Variants in EDA observed in about 807,000 individuals in gnomAD.
The protein encoded by EDA is ectodysplasin-A.
In EDA, 2 loss-of-function variants were observed where a neutral mutation model predicts 23.6. The ratio of observed to expected loss-of-function variants is 0.08; its 90% CI spans 0.03 to 0.27. The LOEUF is 0.27. Ranked by LOEUF, EDA falls within the 10% of genes least tolerant of loss-of-function variation. EDA has a pLI of 1.00. For missense variants in EDA, 229 were observed against 324.2 expected (o/e 0.71, Z 2.26); for synonymous variants, 131 against 132.0 (o/e 0.99, Z 0.05).
chrX:69,758,818 A>G (rs935024844), intron 1 of EDA, among the ~76,000 whole-genome samples: 32 of 112,725 alleles, frequency 2.8e-4, no homozygotes, highest in Admixed American at 6.5e-4. Flanking sequence ...CTTGAGCAAC[A>G]AGAGTGAAAC....
intron 7 of EDA, 76 bp from the exon 8 acceptor site, chrX:70,035,282 T>G: frequency 9.1e-7 from 1 of 1,104,661 alleles, no homozygotes; most frequent in East Asian, 3.1e-5. Context: ...GAAGATTCTG[T>G]CAATTCACCA....
chrX:69,946,200 C>G lies in EDA; in HGVS notation c.397-10827C>G, dbSNP rs141446524. The stretch of plus-strand genomic sequence containing the variant: ...TCAGGCTTTTATTATGGACTAAATC[C>G]TTGCTGATTAACCTGCCTGCCCCTA... On this transcript the variant is annotated intron_variant, in intron 1 of 7. Coordinates refer to ENST00000374552, the MANE Select transcript of EDA (RefSeq NM_001399.5). Among the ~76,000 whole-genome samples, 243 of 111,668 alleles carry G rather than the reference C, an allele frequency of 2.2e-3. 2 individuals are homozygous for G. Among genetic ancestry groups the G allele is most frequent in the Non-Finnish European group, 2.6e-3 (138 of 53,069 alleles).
At chrX:69,618,061 T>C (rs962879701) in intron 1 of EDA, among the ~76,000 whole-genome samples, 10 of 111,985 alleles carry the variant, frequency 8.9e-5, no homozygotes, top group African/African-American at 3.3e-4. Flanking sequence ...CTTTAAACAT[T>C]GTAGCTAAAC....
intron 1 of EDA, among the ~76,000 whole-genome samples, chrX:69,698,633 C>T (rs987134217): frequency 3.6e-5 from 4 of 111,251 alleles, no homozygotes; most frequent in African/African-American, 6.6e-5. Flanking sequence ...TTTGGTGTTG[C>T]GCAGAGTCTC....
At chrX:69,696,194 G>A (rs1294666204) in intron 1 of EDA, among the ~76,000 whole-genome samples, 11 of 108,219 alleles carry the variant, frequency 1.0e-4, no homozygotes, top group African/African-American at 2.4e-4. Context: ...AGTGAAGATC[G>A]CACCATTGCA....
At chrX:69,809,970 A>C (rs958594989) in intron 1 of EDA, among the ~76,000 whole-genome samples, 7 of 110,386 alleles carry the variant, frequency 6.3e-5, no homozygotes, top group Admixed American at 4.8e-4. Flanking sequence ...CCATATCAAG[A>C]TTTCTTGTTG....
chrX:69,943,380 C>T (rs998923785), intron 1 of EDA, among the ~76,000 whole-genome samples: 2 of 111,745 alleles, frequency 1.8e-5, no homozygotes, highest in African/African-American at 6.5e-5. Context: ...GTCACTGCAG[C>T]TTTAGGGCCA....
At chrX:69,793,570 G>GTTTTTTTTTTTTTTTTTTTTTTTTT (rs67241807) in intron 1 of EDA, among the ~76,000 whole-genome samples, 1 of 58,770 alleles carries the variant, frequency 1.7e-5, no homozygotes, top group Non-Finnish European at 2.9e-5. Context: ...GTTTGTTTTT[G>GTTTTTTTTTTTTTTTTTTTTTTTTT]TTTTTTTTTT....
chrX:69,689,314 G>C (rs199587380), intron 1 of EDA, among the ~76,000 whole-genome samples: 15 of 30,603 alleles, frequency 4.9e-4, no homozygotes, highest in Non-Finnish European at 9.0e-4. Context: ...TTTTTTTTTT[G>C]AGACGGAGTC....
At chrX:69,963,546 A>T (rs1307343894) in intron 2 of EDA, among the ~76,000 whole-genome samples, 1 of 112,380 alleles carries the variant, frequency 8.9e-6, no homozygotes, top group Non-Finnish European at 1.9e-5. Flanking sequence ...CCACAGCAGA[A>T]CACTCTGGAG....
chrX:69,976,965 T>A (rs763199503), intron 2 of EDA, among the ~76,000 whole-genome samples: 3 of 112,365 alleles, frequency 2.7e-5, no homozygotes, highest in African/African-American at 9.7e-5. Flanking sequence ...GTTCAAAGAT[T>A]TTGGATACAT....
intron 1 of EDA, among the ~76,000 whole-genome samples, chrX:69,916,356 T>C (rs1412060119): frequency 9.2e-6 from 1 of 108,689 alleles, no homozygotes; most frequent in African/African-American, 3.3e-5. Flanking sequence ...TCTATTTTGG[T>C]ACATGCCACC....
intron 1 of EDA, among the ~76,000 whole-genome samples, chrX:69,734,882 T>A (rs1045411531): frequency 9.0e-6 from 1 of 111,299 alleles, no homozygotes; most frequent in South Asian, 3.8e-4. Context: ...CATGTGTTGG[T>A]GAGGATGTGG....
chrX:69,713,219 A>G (rs2012160167), intron 1 of EDA, among the ~76,000 whole-genome samples: 1 of 112,435 alleles, frequency 8.9e-6, no homozygotes, highest in Non-Finnish European at 1.9e-5. Flanking sequence ...TATTTTAAAA[A>G]GAGGAAAATT....
intron 1 of EDA, among the ~76,000 whole-genome samples, chrX:69,670,989 G>GT (rs1298816470): frequency 3.6e-5 from 4 of 111,290 alleles, no homozygotes; most frequent in Non-Finnish European, 5.7e-5. Flanking sequence ...GCTTTTTCAT[G>GT]TTTTTTGTGT....
At chrX:69,619,220 C>T (rs914995426) in intron 1 of EDA, among the ~76,000 whole-genome samples, 14 of 112,163 alleles carry the variant, frequency 1.2e-4, no homozygotes, top group African/African-American at 4.5e-4. Flanking sequence ...CACCCTTCAA[C>T]GGGCAGTACA....
In EDA at chrX:69,679,621, G is replaced by A. The variant is rs898393996; in HGVS notation, c.396+62917G>A. ...GTGTATTTGTGTAGAGGTGTTTGTC[G>A]TATTCTCTGATGGTAGTTTGTATTT... On this transcript the variant is annotated intron_variant, in intron 1 of 7. Transcript: ENST00000374552. Among the ~76,000 whole-genome samples the A allele has an allele frequency of 5.4e-5, 6 of 111,852 alleles. No homozygotes were observed. In the East Asian group the frequency reaches 1.1e-3, roughly 21 times the overall value.
At chrX:69,927,203 A>G (rs1167051727) in intron 1 of EDA, among the ~76,000 whole-genome samples, 1 of 111,507 alleles carries the variant, frequency 9.0e-6, no homozygotes, top group East Asian at 2.8e-4. Context: ...TCATGATGCT[A>G]TCTGGTTATT....
intron 1 of EDA, among the ~76,000 whole-genome samples, chrX:69,702,336 TA>T (rs1362578871): frequency 1.8e-5 from 2 of 109,746 alleles, no homozygotes; most frequent in East Asian, 5.8e-4. Context: ...GGAGGATAGA[TA>T]GGGGCATAAG....
Sources: gnomAD v4.1 joint callset for allele counts (sites outside exome capture counted in the v4.1 genomes callset) on GRCh38, gnomAD v4.1.1 for gene constraint, MANE v1.5 for transcripts, NCBI Gene and HGNC (gene_info 2026-07-23, HGNC 2026-07-21) for gene names.